PDE1B: variants seen among roughly 807,000 people sequenced by gnomAD.
PDE1B encodes the protein phosphodiesterase 1B.
Under a neutral mutation model 66.7 loss-of-function variants are expected in PDE1B, and 13 were observed. The ratio of observed to expected loss-of-function variants is 0.19; its 90% CI spans 0.13 to 0.31. PDE1B has a LOEUF of 0.31. Among genes scored for constraint, PDE1B ranks in the 10% least tolerant of loss-of-function variants. PDE1B has a pLI of 1.00. For missense variants in PDE1B, 485 were observed against 682.3 expected (o/e 0.71, Z 3.22); for synonymous variants, 230 against 253.9 (o/e 0.91, Z 0.90).
chr12:54,567,298 G>GT (rs1375972862), intron 3 of PDE1B, among the ~76,000 whole-genome samples: 2 of 151,502 alleles, frequency 1.3e-5, no homozygotes, highest in Non-Finnish European at 2.9e-5. Context: ...GAACCCAGGA[G>GT]TTTGAGACCA....
chr12:54,555,378 A>C (rs1373590531), intron 2 of PDE1B, among the ~76,000 whole-genome samples: 4 of 152,194 alleles, frequency 2.6e-5, no homozygotes, highest in African/African-American at 9.7e-5. Flanking sequence ...CTGCTTGTCC[A>C]GGAGCCTCAG....
Position 54,573,179 on chromosome 12 carries a change from T to C in PDE1B, c.767T>C (p.Ile256Thr). ...HCLSEIELLA[I>T]IFAAAIHDYE... ...CTGTCGGAGATTGAGCTCCTGGCCATCATCTTTGCTGCAGCTATCCATGAT... is the reference window on the plus strand; with the variant it reads ...CTGTCGGAGATTGAGCTCCTGGCCACCATCTTTGCTGCAGCTATCCATGAT... Residue 256 changes from isoleucine to threonine, a missense_variant, in exon 8 of 16, where the codon ATC (isoleucine) becomes ACC (threonine). Around this residue, in one of 4 missense-constraint regions of PDE1B, gnomAD observed 282 missense variants for 453.4 expected, o/e 0.62. Coordinates refer to ENST00000243052, the MANE Select transcript of PDE1B (RefSeq NM_000924.4). The surrounding 1 kb of genome is among the most constrained non-coding windows in gnomAD (Gnocchi z 5.2). 6.2e-7 allele frequency: 1 copy of C among 1,614,044 alleles called. No homozygotes were observed. Among genetic ancestry groups the C allele is most frequent in the Non-Finnish European group, 8.5e-7 (1 of 1,179,970 alleles).
intron 3 of PDE1B, among the ~76,000 whole-genome samples, chr12:54,567,459 C>T (rs1592377224): frequency 6.6e-6 from 1 of 151,440 alleles, no homozygotes; most frequent in Admixed American, 6.6e-5. Context: ...GCTGAGATTG[C>T]GCTGCTGCAC....
At chr12:54,564,537 G>A (rs1957479047) in intron 2 of PDE1B, among the ~76,000 whole-genome samples, 2 of 152,134 alleles carry the variant, frequency 1.3e-5, no homozygotes, top group Non-Finnish European at 2.9e-5. Context: ...AGGAGGCTGA[G>A]GCAGGAGGAC....
At chr12:54,576,301 CA>C (rs1335897050) in intron 13 of PDE1B, 5 of 603,136 alleles carry the variant, frequency 8.3e-6, no homozygotes, top group Non-Finnish European at 1.5e-5. Flanking sequence ...TCCCCTTCAC[CA>C]TATTTTTGTT....
intron 2 of PDE1B, among the ~76,000 whole-genome samples, chr12:54,559,422 A>G (rs1957378572): frequency 1.3e-5 from 2 of 152,054 alleles, no homozygotes. Context: ...CCCTTTGTTG[A>G]GGTCATCACA....
intron 2 of PDE1B, among the ~76,000 whole-genome samples, chr12:54,558,626 C>T (rs1035244505): frequency 1.3e-5 from 2 of 152,168 alleles, no homozygotes; most frequent in African/African-American, 4.8e-5. Flanking sequence ...ACATACTCTG[C>T]AGCCTCTGCC....
rs1311241775 is a variant in PDE1B at position 54,549,662 on chromosome 12, G to A, written c.-124G>A. On this transcript the variant is annotated 5_prime_UTR_variant, in exon 1 of 16. Coordinates refer to ENST00000243052, the MANE Select transcript of PDE1B (RefSeq NM_000924.4). ...CGGCGGTGCGGAGAGCTTGGACTGG[G>A]AGCCCAAAGCTCGGCTGGGCAGCGG... 1 of 494,780 alleles carries A rather than the reference G, an allele frequency of 2.0e-6. No homozygotes were observed. Among genetic ancestry groups the A allele is most frequent in the Non-Finnish European group, 3.6e-6 (1 of 280,098 alleles). The allele number at this position is 494,780 out of a possible 1,614,324, so 30.6% of individuals were successfully genotyped here.
rs1275381739 is a variant in PDE1B, at chr12:54,570,339, C to T, written c.576C>T (p.Asn192=). The T allele has an allele frequency of 1.2e-6, 2 of 1,607,220 alleles. No individual in the cohort carries two copies. Among genetic ancestry groups the T allele is most frequent in the Non-Finnish European group, 8.5e-7 (1 of 1,173,778 alleles). ...TTTTTGAGTTGCTGACTCGGCATAA[C>T]CTCATCAGCCGCTTCAAGGTTGGGC... The part of the protein sequence containing the change: ...TIVFELLTRH[N]LISRFKIPTV... Residue 192 remains asparagine, a synonymous_variant, in exon 6 of 16, where the codon AAC becomes AAT. Transcript: ENST00000243052.
intron 13 of PDE1B, 25 bp from the exon 14 acceptor site, chr12:54,576,546 C>A (rs374149598): frequency 4.3e-6 from 7 of 1,613,736 alleles, no homozygotes; most frequent in South Asian, 2.2e-5. Flanking sequence ...TTACCTCTTG[C>A]GGCTTTTGGG....
chr12:54,560,616 C>T (rs936246244), intron 2 of PDE1B, among the ~76,000 whole-genome samples: 2 of 152,152 alleles, frequency 1.3e-5, no homozygotes, highest in Admixed American at 6.5e-5. Flanking sequence ...TGTGTGCGCA[C>T]GTCCACTTGG....
At chr12:54,550,211 G>A in intron 2 of PDE1B, 2 of 1,390,644 alleles carry the variant, frequency 1.4e-6, no homozygotes, top group East Asian at 2.7e-5. Flanking sequence ...CAAAGGTAAC[G>A]ATGTGCCTGT....
At chr12:54,561,726 A>G in intron 2 of PDE1B, 8 of 934,808 alleles carry the variant, frequency 8.6e-6, no homozygotes, top group Non-Finnish European at 1.3e-5. Flanking sequence ...TGAAGTGGAG[A>G]GATCAAGACC....
intron 2 of PDE1B, among the ~76,000 whole-genome samples, chr12:54,563,959 C>T (rs531069635): frequency 2.0e-5 from 3 of 152,162 alleles, no homozygotes; most frequent in African/African-American, 7.2e-5. Flanking sequence ...TTACAGTGAG[C>T]TATGATCATG....
At chr12:54,551,004 A>G (rs1369295523) in intron 2 of PDE1B, among the ~76,000 whole-genome samples, 4 of 152,240 alleles carry the variant, frequency 2.6e-5, no homozygotes. Context: ...TCTCTCCGAG[A>G]TGAATCCATG....
At chr12:54,562,522 G>T (rs1172977213) in intron 2 of PDE1B, among the ~76,000 whole-genome samples, 2 of 152,210 alleles carry the variant, frequency 1.3e-5, no homozygotes, top group African/African-American at 4.8e-5. Context: ...ACAGGGAAAG[G>T]TACCTTTACT....
rs2121188074 is a variant in PDE1B at position 54,578,491 on chromosome 12, TCTTC to T, written c.*655_*658del. The T allele has an allele frequency of 6.6e-6, 1 of 152,488 alleles. No homozygotes were observed. Among genetic ancestry groups the T allele is most frequent in the East Asian group, 1.9e-4 (1 of 5,172 alleles). The allele number at this position is 152,488 out of a possible 1,614,324, so 9.4% of individuals were successfully genotyped here. On this transcript the variant is annotated 3_prime_UTR_variant, in exon 16 of 16. Coordinates refer to ENST00000243052, the MANE Select transcript of PDE1B (RefSeq NM_000924.4). Reference sequence around the variant, plus strand: ...CCCATCTCCAGCCTGATCCTCTGAATCTTCCTTCCCTCCCTTTCTGATACAGTGA... The same window carrying T: ...CCCATCTCCAGCCTGATCCTCTGAATCTTCCCTCCCTTTCTGATACAGTGA...
chr12:54,577,764 C>T (rs145505478), intron 15 of PDE1B, 96 bp from the exon 16 acceptor site: 1 of 464,344 alleles, frequency 2.2e-6, no homozygotes, highest in Non-Finnish European at 3.8e-6. Context: ...CACAGCTCTA[C>T]TCGGGACTGA....
chr12:54,551,949 T>A (rs1479630537), intron 2 of PDE1B, among the ~76,000 whole-genome samples: 2 of 152,240 alleles, frequency 1.3e-5, no homozygotes, highest in African/African-American at 2.4e-5. Context: ...TTAAGAATGC[T>A]AGCTTTGTAC....
Sources: gnomAD v4.1 joint callset for allele counts (sites outside exome capture counted in the v4.1 genomes callset) on GRCh38, gnomAD v4.1.1 for gene constraint, gnomAD v4.1.1 regional missense constraint, Gnocchi (gnomAD v3.1) non-coding constraint, MANE v1.5 for transcripts, NCBI Gene and HGNC (gene_info 2026-07-23, HGNC 2026-07-21) for gene names.